TEX14: variants seen among roughly 807,000 people sequenced by gnomAD.
TEX14 encodes testis expressed 14, intercellular bridge forming factor.
A neutral mutation model predicts 178.6 loss-of-function variants in TEX14; 168 were observed. The observed-to-expected ratio is 0.94, with a 90% CI of 0.83 to 1.07. The LOEUF (loss-of-function observed/expected upper bound fraction) is 1.07. Ranked by LOEUF, TEX14 falls within the 50% of genes least tolerant of loss-of-function variation. TEX14 has a pLI of 0.00. For missense variants in TEX14, 1,730 were observed against 1,753.6 expected (o/e 0.99, Z 0.24); for synonymous variants, 626 against 634.1 (o/e 0.99, Z 0.19).
rs796626619 is a variant in TEX14 at position 58,611,269 on chromosome 17, C to T, written c.1076G>A (p.Arg359Lys). ...HLLLQISDAL[R>K]YLHFQGFIHR... ...GATAAACCCCTGGAAATGCAGGTAT[C>T]TCAGGGCATCAGATATCTGGAGCAG... is the stretch of plus-strand genomic sequence containing the variant. Residue 359 changes from arginine (R) to lysine (K), a missense_variant, in exon 10 of 32, where the codon AGA becomes AAA. Physicochemically the swap from Arg to Lys is conservative, Grantham distance 26. This residue lies in a region of TEX14 where 789 missense variants were observed against 681.2 expected (regional missense o/e 1.16). Transcript: ENST00000349033. 2.0e-5 allele frequency: 32 copies of T among 1,612,266 alleles called. No homozygotes were observed. Among genetic ancestry groups the T allele is most frequent in the African/African-American group, 5.3e-5 (4 of 74,836 alleles).
At chr17:58,689,227 AATTT>A (rs1210503808) in intron 1 of TEX14, among the ~76,000 whole-genome samples, 1 of 147,320 alleles carries the variant, frequency 6.8e-6, no homozygotes, top group Non-Finnish European at 1.5e-5. Context: ...ACGCTCAGCT[AATTT>A]ATTTATTTTT....
chr17:58,661,335 C>A, intron 1 of TEX14: 1 of 887,292 alleles, frequency 1.1e-6, no homozygotes, highest in Non-Finnish European at 1.9e-6. Context: ...ATGGTGAGGG[C>A]TCCTTGAAAC....
chr17:58,596,532 T>A (rs1379766496), intron 14 of TEX14, among the ~76,000 whole-genome samples: 1 of 152,076 alleles, frequency 6.6e-6, no homozygotes, highest in Non-Finnish European at 1.5e-5. Context: ...TTAACCTGCC[T>A]TGGCCTCCCA....
rs771397599 is a variant in TEX14 at position 58,617,646 on chromosome 17, A to C, written c.555-27T>G. On this transcript the variant is annotated intron_variant, in intron 5 of 31. Coordinates refer to ENST00000349033, the MANE Select transcript of TEX14 (RefSeq NM_031272.5). ...TAGAAATATTTAAAACAGGAAAAAAACCTCAGAATTAACCACTCATATCCA... is the reference window on the plus strand; with the variant it reads ...TAGAAATATTTAAAACAGGAAAAAACCCTCAGAATTAACCACTCATATCCA... The C allele has an allele frequency of 8.4e-6, 13 of 1,554,530 alleles. No individual in the cohort carries two copies. The South Asian group carries it at 1.2e-4, about 15-fold the overall frequency.
chr17:58,638,726 G>T (rs1374343092), intron 2 of TEX14, among the ~76,000 whole-genome samples: 1 of 151,946 alleles, frequency 6.6e-6, no homozygotes, highest in Non-Finnish European at 1.5e-5. Context: ...TTTTAGTAGG[G>T]ACAGGGTTTC....
chr17:58,624,373 T>A (rs1432299258), intron 3 of TEX14, among the ~76,000 whole-genome samples: 1 of 147,548 alleles, frequency 6.8e-6, no homozygotes, highest in Non-Finnish European at 1.5e-5. Flanking sequence ...GGAGTTTTGC[T>A]CTTGTCACCC....
At position 58,684,079 on chromosome 17, in the gene TEX14, G is replaced by A. The variant is rs547898773; in HGVS notation, c.-2+7860C>T. ...AGGACCTACATATATAAAAGTATAC[G>A]ATAAAGGTAACATTTCATATAGAAG... On this transcript the variant is annotated intron_variant, in intron 1 of 31. Transcript: ENST00000349033. Among the ~76,000 whole-genome samples the A allele has an allele frequency of 3.1e-4, 47 of 151,688 alleles. 1 individual carries two copies. In the South Asian group the frequency reaches 9.2e-3, roughly 30 times the overall value.
At chr17:58,623,628 G>A (rs564244146) in intron 3 of TEX14, among the ~76,000 whole-genome samples, 5 of 152,124 alleles carry the variant, frequency 3.3e-5, no homozygotes, top group Non-Finnish European at 7.3e-5. Flanking sequence ...AGGATATGGT[G>A]AGGATATGAT....
chr17:58,569,333 C>A lies in TEX14; in HGVS notation c.3818-73G>T. On this transcript the variant is annotated intron_variant, in intron 25 of 31. Coordinates refer to ENST00000349033, the MANE Select transcript of TEX14 (RefSeq NM_031272.5). The surrounding 1 kb of genome is among the most constrained non-coding windows in gnomAD (Gnocchi z 4.1). ...GACCTGAACTGAATTTTTCTCGGCT[C>A]TCACATAGACTTGACTGAGGATTTC... 1.8e-6 allele frequency: 2 copies of A among 1,116,202 alleles called. No homozygotes were observed. Among genetic ancestry groups the A allele is most frequent in the Non-Finnish European group, 2.7e-6 (2 of 740,516 alleles). The allele number at this position is 1,116,202 out of a possible 1,614,324, so 69.1% of individuals were successfully genotyped here.
At chr17:58,647,449 G>A (rs1233118070) in intron 2 of TEX14, among the ~76,000 whole-genome samples, 1 of 150,898 alleles carries the variant, frequency 6.6e-6, no homozygotes, top group Admixed American at 6.6e-5. Flanking sequence ...GGAGAATGGC[G>A]TGAACCCGGG....
chr17:58,623,121 G>T, intron 3 of TEX14, 109 bp from the exon 4 acceptor site: 1 of 956,730 alleles, frequency 1.0e-6, no homozygotes, highest in Non-Finnish European at 1.5e-6. Context: ...CAACGTTGGT[G>T]ACGAGGAATA....
At chr17:58,568,445 G>T (rs895968334) in intron 26 of TEX14, among the ~76,000 whole-genome samples, 1 of 152,142 alleles carries the variant, frequency 6.6e-6, no homozygotes, top group Admixed American at 6.5e-5. Context: ...AAACCAAGGG[G>T]TGCCCCTCAG....
intron 1 of TEX14, among the ~76,000 whole-genome samples, chr17:58,676,437 G>A (rs949133921): frequency 1.3e-5 from 2 of 151,938 alleles, no homozygotes; most frequent in East Asian, 1.9e-4. Context: ...GCAGGCGTCT[G>A]TAATCTCAGC....
At chr17:58,623,128 A>AAT in intron 3 of TEX14, 116 bp from the exon 4 acceptor site, 1 of 841,256 alleles carries the variant, frequency 1.2e-6, no homozygotes. Context: ...GGTGACGAGG[A>AAT]ATATAACAAC....
At chr17:58,607,257 C>A (rs921459525) in intron 10 of TEX14, among the ~76,000 whole-genome samples, 1 of 152,186 alleles carries the variant, frequency 6.6e-6, no homozygotes, top group Non-Finnish European at 1.5e-5. Flanking sequence ...TGCTGTCTAA[C>A]ATTTCTGACA....
At position 58,593,612 on chromosome 17, in the gene TEX14, T is replaced by G; in HGVS notation, c.2519A>C (p.Gln840Pro). The change falls in exon 15 of 32, where the codon CAG (glutamine) becomes CCG (proline). Residue 840 changes from glutamine to proline, a missense_variant. Physicochemically the swap from Gln to Pro is moderately conservative, Grantham distance 76. Transcript: ENST00000349033. ...PGKQNTDEQF[Q>P]CTQGAKDSLE... The stretch of plus-strand genomic sequence containing the variant: ...ACTGTCCTTGGCTCCTTGAGTGCAC[T>G]GAAATTGTTCATCTGTGTTCTGTTT... The G allele has an allele frequency of 1.2e-6, 2 of 1,614,198 alleles. No homozygotes were observed. The highest frequency in any genetic ancestry group is 1.7e-6 in the Non-Finnish European group (2 of 1,180,030).
At chr17:58,653,624 T>C (rs1231612984) in intron 1 of TEX14, among the ~76,000 whole-genome samples, 1 of 152,154 alleles carries the variant, frequency 6.6e-6, no homozygotes, top group African/African-American at 2.4e-5. Context: ...TGGGAGACGT[T>C]TGAGGTCTCT....
chr17:58,637,793 G>C (rs1371123132), intron 2 of TEX14, among the ~76,000 whole-genome samples: 1 of 151,902 alleles, frequency 6.6e-6, no homozygotes, highest in East Asian at 1.9e-4. Flanking sequence ...AATCTGGGGA[G>C]TGGGTTGTGG....
intron 1 of TEX14, among the ~76,000 whole-genome samples, chr17:58,655,031 C>CTTTT (rs1188938621): frequency 7.6e-6 from 1 of 130,850 alleles, no homozygotes; most frequent in East Asian, 2.3e-4. Context: ...AAACTCCCTT[C>CTTTT]TTTTTTTTTT....
Sources: gnomAD v4.1 joint callset for allele counts (sites outside exome capture counted in the v4.1 genomes callset) on GRCh38, gnomAD v4.1.1 for gene constraint, gnomAD v4.1.1 regional missense constraint, Gnocchi (gnomAD v3.1) non-coding constraint, MANE v1.5 for transcripts, NCBI Gene and HGNC (gene_info 2026-07-23, HGNC 2026-07-21) for gene names.